Variants in TMEM38B observed in about 807,000 individuals in gnomAD.
TMEM38B encodes trimeric intracellular cation channel type B.
A neutral mutation model predicts 28.7 loss-of-function variants in TMEM38B; 24 were observed. That is an observed-to-expected ratio of 0.84 (90% CI 0.61 to 1.18). TMEM38B has a LOEUF of 1.18. TMEM38B is among the 50% of genes most tolerant of loss of function. The pLI, the probability that TMEM38B is intolerant of heterozygous loss-of-function variation, is 0.00. For synonymous variants in TMEM38B, 131 were observed against 127.7 expected (o/e 1.03, Z -0.17); for missense variants, 380 against 350.9 (o/e 1.08, Z -0.66).
At position 105,732,336 on chromosome 9, in the gene TMEM38B, G is replaced by T. The variant is rs139861190; in HGVS notation, c.542+9715G>T. On this transcript the variant is annotated intron_variant, in intron 4 of 5. Transcript: ENST00000374692. ...AATTAGATCCCATTTGTCAATTTTG[G>T]CTTTTGTTGCCATTGCTTTTGGTGT... Among the ~76,000 whole-genome samples, 423 of 152,222 alleles carry T rather than the reference G, an allele frequency of 2.8e-3. 3 individuals are homozygous for T. The highest frequency in any genetic ancestry group is 8.0e-3 in the African/African-American group (334 of 41,530).
intron 5 of TMEM38B, among the ~76,000 whole-genome samples, chr9:105,767,164 T>C (rs1826402433): frequency 6.6e-6 from 1 of 151,840 alleles, no homozygotes; most frequent in African/African-American, 2.4e-5. Flanking sequence ...TTCCTCCATA[T>C]GAGTAGGAAG....
chr9:105,763,219 T>G (rs1588472069), intron 5 of TMEM38B, among the ~76,000 whole-genome samples: 1 of 152,140 alleles, frequency 6.6e-6, no homozygotes, highest in Admixed American at 6.5e-5. Flanking sequence ...GCCTGTTCAC[T>G]GTGATGGTAG....
At chr9:105,744,741 C>G (rs1471016645) in intron 4 of TMEM38B, among the ~76,000 whole-genome samples, 1 of 152,054 alleles carries the variant, frequency 6.6e-6, no homozygotes, top group African/African-American at 2.4e-5. Context: ...CCCCATTTCC[C>G]CCACCCCATG....
intron 2 of TMEM38B, among the ~76,000 whole-genome samples, chr9:105,706,792 T>G (rs539414420): frequency 6.6e-6 from 1 of 152,064 alleles, no homozygotes; most frequent in Non-Finnish European, 1.5e-5. Context: ...GTTCTTGAAT[T>G]GAGCTGCTAA....
In TMEM38B at chr9:105,694,600, C is replaced by CCG. The variant is rs1433572171; in HGVS notation, c.-56_-55dup. 6.4e-5 allele frequency: 94 copies of CCG among 1,458,348 alleles called. No individual in the cohort carries two copies. The African/African-American group carries it at 8.1e-4, about 13-fold the overall frequency. The allele number at this position is 1,458,348 out of a possible 1,614,324, so 90.3% of individuals were successfully genotyped here. A position where few individuals can be genotyped will look rare whatever the true frequency, so the allele number is the denominator to read the frequency against. Reference sequence around the variant, plus strand: ...CGGCTGTGCCCTCTCCTACTCCTCACCGCGCGAGCGCGGGGAACCAGTAGC... The same window carrying CCG: ...CGGCTGTGCCCTCTCCTACTCCTCACCGCGCGCGAGCGCGGGGAACCAGTAGC... On this transcript the variant is annotated 5_prime_UTR_variant, in exon 1 of 6. Transcript: ENST00000374692.
chr9:105,745,167 T>A (rs1007485216), intron 4 of TMEM38B, among the ~76,000 whole-genome samples: 2 of 152,194 alleles, frequency 1.3e-5, no homozygotes, highest in African/African-American at 4.8e-5. Context: ...CGCCACACTG[T>A]CTTCACAATG....
chr9:105,746,327 C>G (rs977583118), intron 4 of TMEM38B, among the ~76,000 whole-genome samples: 5 of 152,084 alleles, frequency 3.3e-5, no homozygotes, highest in African/African-American at 1.2e-4. Context: ...GTATTTTATT[C>G]TCTTTGAAGC....
At chr9:105,718,552 T>G (rs1453301072) in intron 2 of TMEM38B, among the ~76,000 whole-genome samples, 1 of 152,130 alleles carries the variant, frequency 6.6e-6, no homozygotes, top group Non-Finnish European at 1.5e-5. Context: ...TGATTTTAAT[T>G]TGAGAGATAA....
At chr9:105,764,335 A>G (rs1044469970) in intron 5 of TMEM38B, among the ~76,000 whole-genome samples, 10 of 152,052 alleles carry the variant, frequency 6.6e-5, no homozygotes, top group African/African-American at 2.2e-4. Context: ...AGAAAACCCC[A>G]TTGTCTCAGC....
At chr9:105,765,222 G>A (rs1826327267) in intron 5 of TMEM38B, among the ~76,000 whole-genome samples, 2 of 151,940 alleles carry the variant, frequency 1.3e-5, no homozygotes, top group Admixed American at 1.3e-4. Flanking sequence ...AATTATTTGG[G>A]GTTTAGTTAC....
At chr9:105,705,488 T>C in intron 1 of TMEM38B, 109 bp from the exon 2 acceptor site, 1 of 1,118,614 alleles carries the variant, frequency 8.9e-7, no homozygotes, top group Non-Finnish European at 1.3e-6. Flanking sequence ...ATAATAGTTG[T>C]TGAAAATTAT....
chr9:105,744,482 T>C (rs553781000), intron 4 of TMEM38B, among the ~76,000 whole-genome samples: 201 of 152,214 alleles, frequency 1.3e-3, no homozygotes, highest in African/African-American at 4.6e-3. Context: ...ATACTTGGGA[T>C]GAATATATAC....
chr9:105,726,480 T>G (rs1390853292), intron 4 of TMEM38B, among the ~76,000 whole-genome samples: 2 of 152,130 alleles, frequency 1.3e-5, no homozygotes, highest in African/African-American at 4.8e-5. Flanking sequence ...ATCATCAATA[T>G]CATCATCTTC....
At chr9:105,754,018 G>A (rs1172734472) in intron 5 of TMEM38B, among the ~76,000 whole-genome samples, 1 of 152,180 alleles carries the variant, frequency 6.6e-6, no homozygotes, top group Non-Finnish European at 1.5e-5. Context: ...TGCAATCCTA[G>A]TTTCAGACAA....
intron 5 of TMEM38B, among the ~76,000 whole-genome samples, chr9:105,769,577 C>A (rs2940908): frequency 0.98 from 149,467 of 152,318 alleles, 73,347 homozygotes; most frequent in East Asian, 1. Context: ...GAAAAATTTA[C>A]AAGTCTGGCT....
chr9:105,710,391 A>C, intron 2 of TMEM38B: 1 of 867,710 alleles, frequency 1.2e-6, no homozygotes, highest in Non-Finnish European at 1.9e-6. Context: ...GACTGACTTC[A>C]TGATCTCCTT....
chr9:105,727,046 T>C (rs1836543937), intron 4 of TMEM38B, among the ~76,000 whole-genome samples: 1 of 152,158 alleles, frequency 6.6e-6, no homozygotes, highest in South Asian at 2.1e-4. Flanking sequence ...TCTCACATAG[T>C]TTCTTATTTT....
rs79254223 is a variant in TMEM38B, at chr9:105,717,211, C to T, written c.270-4326C>T. Among the ~76,000 whole-genome samples, 1,506 of 152,102 alleles carry T rather than the reference C, an allele frequency of 9.9e-3. 22 individuals carry two copies. Among genetic ancestry groups the T allele is most frequent in the African/African-American group, 0.033 (1,388 of 41,488 alleles). On this transcript the variant is annotated intron_variant, in intron 2 of 5. Transcript: ENST00000374692. ...TCCTCCCATTCCATCTCTTTTCTTC[C>T]GCCTTCAGAAGTAACCATTATCTTC... is the stretch of plus-strand genomic sequence containing the variant.
intron 4 of TMEM38B, among the ~76,000 whole-genome samples, chr9:105,742,903 A>G (rs1837256525): frequency 6.6e-6 from 1 of 152,208 alleles, no homozygotes; most frequent in South Asian, 2.1e-4. Flanking sequence ...AAATTAATTG[A>G]TAACCATAAT....
Sources: allele counts gnomAD v4.1 joint callset (sites outside exome capture counted in the v4.1 genomes callset), GRCh38; gene constraint gnomAD v4.1.1; transcripts MANE v1.5; gene names NCBI Gene and HGNC (gene_info 2026-07-23, HGNC 2026-07-21).